Variants in MOB3C observed in about 807,000 individuals in gnomAD.
The protein encoded by MOB3C is MOB1, Mps One Binder kinase activator-like 2C.
Under a neutral mutation model 19.8 loss-of-function variants are expected in MOB3C, and 17 were observed. The ratio of observed to expected loss-of-function variants is 0.86; its 90% CI spans 0.59 to 1.29. The LOEUF is 1.29. Ranked by LOEUF, MOB3C falls within the 50% of genes most tolerant of loss-of-function variation. The pLI, the probability that MOB3C is intolerant of heterozygous loss-of-function variation, is 0.00. For missense variants in MOB3C, 291 were observed against 301.9 expected (o/e 0.96, Z 0.27); for synonymous variants, 101 against 119.2 (o/e 0.85, Z 0.99).
intron 2 of MOB3C, 28 bp from the exon 3 acceptor site, chr1:46,610,232 A>T: frequency 6.2e-7 from 1 of 1,609,584 alleles, no homozygotes; most frequent in Non-Finnish European, 8.5e-7. Context: ...GCAGAAGGGG[A>T]TCAGTATCCT....
intron 1 of MOB3C, chr1:46,615,651 T>C (rs1277071260): frequency 6.6e-6 from 1 of 152,566 alleles, no homozygotes; most frequent in Non-Finnish European, 1.5e-5. Flanking sequence ...GGAGCCTGTG[T>C]CCACATAGCA....
chr1:46,609,620 G>T lies in MOB3C; in HGVS notation c.*35C>A. 6.2e-7 allele frequency: 1 copy of T among 1,613,980 alleles called. No homozygotes were observed. The highest frequency in any genetic ancestry group is 8.5e-7 in the Non-Finnish European group (1 of 1,179,916). ...CTGCCAGCCACCCTATGTTCAGATC[G>T]TCCATCTGATGGCCAAAAAAGTCCA... On this transcript the variant is annotated 3_prime_UTR_variant, in exon 4 of 4. Coordinates refer to ENST00000319928, the MANE Select transcript of MOB3C (RefSeq NM_201403.3).
At position 46,609,513 on chromosome 1, in the gene MOB3C, T is replaced by C. The variant is rs2148802132; in HGVS notation, c.*142A>G. On this transcript the variant is annotated 3_prime_UTR_variant, in exon 4 of 4. Coordinates refer to ENST00000319928, the MANE Select transcript of MOB3C (RefSeq NM_201403.3). Reference sequence around the variant, plus strand: ...TCAGGGCGACAGGTAGGCAGACTCCTGAGAACCAGAAGTCCAGAGGCTTTG... The same window carrying C: ...TCAGGGCGACAGGTAGGCAGACTCCCGAGAACCAGAAGTCCAGAGGCTTTG... 9.2e-7 allele frequency: 1 copy of C among 1,083,772 alleles called. No individual in the cohort carries two copies. The highest frequency in any genetic ancestry group is 1.6e-5 in the African/African-American group (1 of 64,298). The allele number at this position is 1,083,772 out of a possible 1,614,324, so 67.1% of individuals were successfully genotyped here.
chr1:46,614,892 C>T (rs960764253), intron 1 of MOB3C: 13 of 1,106,300 alleles, frequency 1.2e-5, no homozygotes, highest in Non-Finnish European at 1.8e-5. Context: ...AGGATGGGGG[C>T]AGTCTGGTAA....
intron 2 of MOB3C, 145 bp downstream of exon 2, chr1:46,612,759 A>G: frequency 1.9e-5 from 14 of 729,816 alleles, no homozygotes; most frequent in Non-Finnish European, 2.9e-5. Context: ...TGAGCAAGGC[A>G]CTTAACCTGT....
intron 1 of MOB3C, chr1:46,614,764 G>A: frequency 1.9e-6 from 1 of 534,536 alleles, no homozygotes; most frequent in East Asian, 3.0e-5. Context: ...GTGACACCTG[G>A]GTAAAAGCAA....
Position 46,609,493 on chromosome 1 carries a change from G to T in MOB3C, c.*162C>A. 1.2e-6 allele frequency: 1 copy of T among 863,940 alleles called. No homozygotes were observed. Among genetic ancestry groups the T allele is most frequent in the Non-Finnish European group, 1.9e-6 (1 of 528,322 alleles). The allele number at this position is 863,940 out of a possible 1,614,324, so 53.5% of individuals were successfully genotyped here. The stretch of plus-strand genomic sequence containing the variant: ...CCTTCTCCATCCACAAGCGGTCAGG[G>T]CGACAGGTAGGCAGACTCCTGAGAA... On this transcript the variant is annotated 3_prime_UTR_variant, in exon 4 of 4. Coordinates refer to ENST00000319928, the MANE Select transcript of MOB3C (RefSeq NM_201403.3).
rs759940783 is a variant in MOB3C, at chr1:46,615,079, G to A, written c.-51+1632C>T. On this transcript the variant is annotated intron_variant, in intron 1 of 3. Transcript: ENST00000319928. ...GCAAAGAGATTTCTGCGCTTCATTTGCCATCTCCATTTTAAACTCTGCTTG... is the reference window on the plus strand; with the variant it reads ...GCAAAGAGATTTCTGCGCTTCATTTACCATCTCCATTTTAAACTCTGCTTG... 2.5e-6 allele frequency: 4 copies of A among 1,610,246 alleles called. No homozygotes were observed. The Admixed American group carries it at 5.0e-5, about 20-fold the overall frequency.
chr1:46,609,980 G>C (rs1283223571), intron 3 of MOB3C, 22 bp downstream of exon 3: 1 of 1,613,008 alleles, frequency 6.2e-7, no homozygotes, highest in African/African-American at 1.3e-5. Flanking sequence ...TGGTAGGGGA[G>C]GGTGGTAGGG....
At position 46,615,301 on chromosome 1, in the gene MOB3C, C is replaced by T. The variant is rs1374255965; in HGVS notation, c.-51+1410G>A. On this transcript the variant is annotated intron_variant, in intron 1 of 3. Coordinates refer to ENST00000319928, the MANE Select transcript of MOB3C (RefSeq NM_201403.3). ...TTCTTCCTGATTCCTGAACACGCCC[C>T]CACTCTTTTGCCTCTGCATGTTTTC... 20 of 536,994 alleles carry T rather than the reference C, an allele frequency of 3.7e-5. 1 individual carries two copies. In the Admixed American group the frequency reaches 6.3e-4, roughly 17 times the overall value. The allele number at this position is 536,994 out of a possible 1,614,324, so 33.3% of individuals were successfully genotyped here.
At chr1:46,612,124 A>G (rs1570380429) in intron 2 of MOB3C, among the ~76,000 whole-genome samples, 1 of 151,236 alleles carries the variant, frequency 6.6e-6, no homozygotes, top group Non-Finnish European at 1.5e-5. Context: ...TCCCCTCCCT[A>G]CCCTCACCCG....
chr1:46,613,378 G>A lies in MOB3C; in HGVS notation c.-50-7C>T. On this transcript the variant is annotated splice_polypyrimidine_tract_variant and splice_region_variant and intron_variant, in intron 1 of 3. Transcript: ENST00000319928. ...GCTCGGACCTGAGGATACCCTGCCA[G>A]GGACAAGGGCATAGGGGAGCTGGCG... The A allele has an allele frequency of 6.3e-7, 1 of 1,591,036 alleles. No homozygotes were observed. The highest frequency in any genetic ancestry group is 8.5e-7 in the Non-Finnish European group (1 of 1,175,136).
chr1:46,613,256 C>T lies in MOB3C; in HGVS notation c.66G>A (p.Glu22=). ...DKTFRPRKRF[E]PGTQRFELYK... The stretch of plus-strand genomic sequence containing the variant: ...ACAGCTCAAAGCGCTGTGTGCCCGG[C>T]TCAAAGCGCTTCCGCGGCCGGAACG... The change falls in exon 2 of 4, where the codon GAG becomes GAA. Residue 22 remains glutamate (E), a synonymous_variant. Transcript: ENST00000319928. 1 of 1,613,864 alleles carries T rather than the reference C, an allele frequency of 6.2e-7. No homozygotes were observed. Among genetic ancestry groups the T allele is most frequent in the Non-Finnish European group, 8.5e-7 (1 of 1,180,038 alleles).
intron 1 of MOB3C, chr1:46,614,855 C>T: frequency 2.8e-6 from 2 of 718,342 alleles, no homozygotes; most frequent in Non-Finnish European, 4.6e-6. Context: ...AGACAAAGGT[C>T]CTTCCTTGAA....
At chr1:46,612,199 T>C (rs6704020) in intron 2 of MOB3C, among the ~76,000 whole-genome samples, 82,301 of 151,898 alleles carry the variant, frequency 0.54, 22,961 homozygotes, top group East Asian at 0.94. Flanking sequence ...GAAAATTCTG[T>C]CCTCAGAGCC....
chr1:46,613,411 C>T (rs1271200844), intron 1 of MOB3C, 40 bp from the exon 2 acceptor site: 1 of 1,529,620 alleles, frequency 6.5e-7, no homozygotes, highest in East Asian at 2.3e-5. Context: ...GCGGTCAAGG[C>T]CTTATCATCT....
In MOB3C at chr1:46,613,010, G is replaced by T; in HGVS notation, c.312C>A (p.Arg104=). 4 of 1,613,398 alleles carry T rather than the reference G, an allele frequency of 2.5e-6. No homozygotes were observed. Among genetic ancestry groups the T allele is most frequent in the Non-Finnish European group, 8.5e-7 (1 of 1,179,584 alleles). ...PRYEYRWQDE[R]QYRRPAKLSA... is the part of the protein sequence containing the mutation. ...AGAGCTTGGCGGGCCGCCGGTACTG[G>T]CGCTCGTCCTGCCAGCGGTACTCGT... Residue 104 remains arginine, a synonymous_variant, in exon 2 of 4, where the codon CGC becomes CGA. Coordinates refer to ENST00000319928, the MANE Select transcript of MOB3C (RefSeq NM_201403.3).
intron 1 of MOB3C, 183 bp from the exon 2 acceptor site, chr1:46,613,554 C>T (rs1675511137): frequency 1.6e-6 from 1 of 617,794 alleles, no homozygotes; most frequent in African/African-American, 1.8e-5. Context: ...CTATGTTAGT[C>T]CCCCTTGCTA....
chr1:46,610,884 C>T (rs1165810726), intron 2 of MOB3C, among the ~76,000 whole-genome samples: 1 of 152,212 alleles, frequency 6.6e-6, no homozygotes, highest in Non-Finnish European at 1.5e-5. Flanking sequence ...GCTCACATCA[C>T]ACTCTTGTAT....
Sources: allele counts gnomAD v4.1 joint callset (sites outside exome capture counted in the v4.1 genomes callset), GRCh38; gene constraint gnomAD v4.1.1; transcripts MANE v1.5; gene names NCBI Gene and HGNC (gene_info 2026-07-23, HGNC 2026-07-21).